The following CATSPERB variants were observed in gnomAD, a reference collection of about 807,000 sequenced individuals.
The protein encoded by CATSPERB is cation channel sperm-associated auxiliary subunit beta.
A neutral mutation model predicts 128.3 loss-of-function variants in CATSPERB; 93 were observed. The ratio of observed to expected loss-of-function variants is 0.72; its 90% CI spans 0.61 to 0.86. The LOEUF (loss-of-function observed/expected upper bound fraction) is 0.86, where lower values mean the gene tolerates loss of function less well. Among genes scored for constraint, CATSPERB ranks in the 40% least tolerant of loss-of-function variants. The pLI is 0.00. For synonymous variants in CATSPERB, 381 were observed against 448.8 expected, an observed-to-expected ratio of 0.85 and a Z score of 1.91; for missense variants, 1,153 against 1,329.5, an observed-to-expected ratio of 0.87 and a Z score of 2.06.
intron 21 of CATSPERB, among the ~76,000 whole-genome samples, chr14:91,609,453 A>G (rs1034951104): frequency 5.9e-5 from 9 of 152,238 alleles, no homozygotes; most frequent in African/African-American, 1.9e-4. Context: ...AAGTAGCACC[A>G]GAAGGCGGCT....
At position 91,639,404 on chromosome 14, in the gene CATSPERB, T is replaced by G. The variant is rs538496672; in HGVS notation, c.1433-154A>C. On this transcript the variant is annotated intron_variant, in intron 15 of 26. Transcript: ENST00000256343. ...TAGGAAAATGCATGTTAGTTTTTGT[T>G]AAGTCCCTGGAAAGCCTTTTCCAGA... Among the ~76,000 whole-genome samples the G allele has an allele frequency of 7.2e-5, 11 of 152,290 alleles. No individual in the cohort carries two copies. In the South Asian group the frequency reaches 2.1e-3, roughly 29 times the overall value.
At chr14:91,668,226 C>A (rs1230328144) in intron 14 of CATSPERB, among the ~76,000 whole-genome samples, 1 of 140,428 alleles carries the variant, frequency 7.1e-6, no homozygotes, top group Non-Finnish European at 1.6e-5. Flanking sequence ...ACTTGGAGAA[C>A]TTTTCTGTCT....
At chr14:91,613,959 T>G (rs1893886365) in intron 20 of CATSPERB, among the ~76,000 whole-genome samples, 1 of 152,228 alleles carries the variant, frequency 6.6e-6, no homozygotes. Flanking sequence ...CCTTCATGAA[T>G]AATCATGTAA....
At chr14:91,695,442 G>C (rs111373578) in intron 7 of CATSPERB, among the ~76,000 whole-genome samples, 5 of 152,078 alleles carry the variant, frequency 3.3e-5, no homozygotes, top group Non-Finnish European at 7.4e-5. Context: ...CGGTGGGATA[G>C]TTTAAGTGGG....
rs775379438 is a variant in CATSPERB at position 91,723,161 on chromosome 14, T to C, written c.197A>G (p.Asn66Ser). ...TAGCATTGCTTTTGATGCAATTTCA[T>C]TTTCAGTTTGGAAGAAACACTGGAT... ...LKIQCFFQTE[N>S]EIASKAMLSV... The change falls in exon 4 of 27, where the codon AAT becomes AGT. Residue 66 changes from asparagine (N) to serine (S), a missense_variant. Physicochemically the swap from Asn to Ser is conservative, Grantham distance 46. Transcript: ENST00000256343. 6.6e-7 allele frequency: 1 copy of C among 1,504,518 alleles called. No homozygotes were observed. The highest frequency in any genetic ancestry group is 8.9e-7 in the Non-Finnish European group (1 of 1,127,684). The allele number at this position is 1,504,518 out of a possible 1,614,324, so 93.2% of individuals were successfully genotyped here.
intron 5 of CATSPERB, among the ~76,000 whole-genome samples, 183 bp downstream of exon 5, chr14:91,719,235 G>A (rs1048488683): frequency 1.3e-5 from 2 of 152,096 alleles, no homozygotes; most frequent in Admixed American, 6.5e-5. Flanking sequence ...GTAAAATACA[G>A]TATCCCAGTT....
At chr14:91,729,572 A>T (rs1168516418) in intron 1 of CATSPERB, 93 bp from the exon 2 acceptor site, 1 of 600,086 alleles carries the variant, frequency 1.7e-6, no homozygotes, top group Non-Finnish European at 2.9e-6. Context: ...GTAAAGAAAT[A>T]ATCTCAATAT....
chr14:91,598,737 A>C (rs1253442466), intron 22 of CATSPERB, among the ~76,000 whole-genome samples: 2 of 151,638 alleles, frequency 1.3e-5, no homozygotes, highest in African/African-American at 4.8e-5. Flanking sequence ...AGGCGCTTGT[A>C]GTCCCAGCTA....
intron 14 of CATSPERB, among the ~76,000 whole-genome samples, chr14:91,666,569 C>A (rs2139826506): frequency 6.6e-6 from 1 of 152,342 alleles, no homozygotes; most frequent in East Asian, 1.9e-4. Flanking sequence ...CAACCAGTGG[C>A]ATACCTAAGT....
chr14:91,603,586 G>C (rs1893645999), intron 22 of CATSPERB, among the ~76,000 whole-genome samples: 1 of 152,184 alleles, frequency 6.6e-6, no homozygotes, highest in East Asian at 1.9e-4. Flanking sequence ...ACTGCCCTCA[G>C]AAGAGAGGTT....
chr14:91,708,197 A>G lies in CATSPERB; in HGVS notation c.410T>C (p.Leu137Ser). The stretch of plus-strand genomic sequence containing the variant: ...AGCATAAATATTTAGTCCATGATGT[A>G]AAGTGATTCTTACTAACCATTCTTC... ...AVEEWLVRIT[L>S]HHGLNIYATE... The change falls in exon 6 of 27, where the codon TTA becomes TCA. Residue 137 changes from leucine to serine, a missense_variant. Coordinates refer to ENST00000256343, the MANE Select transcript of CATSPERB (RefSeq NM_024764.4). 1 of 1,611,412 alleles carries G rather than the reference A, an allele frequency of 6.2e-7. No homozygotes were observed. The highest frequency in any genetic ancestry group is 8.5e-7 in the Non-Finnish European group (1 of 1,178,524).
At chr14:91,626,638 C>T (rs1018383013) in intron 17 of CATSPERB, among the ~76,000 whole-genome samples, 1 of 152,150 alleles carries the variant, frequency 6.6e-6, no homozygotes, top group Non-Finnish European at 1.5e-5. Context: ...TGCGTGCTCA[C>T]ATGTGCTCAC....
intron 12 of CATSPERB, among the ~76,000 whole-genome samples, 159 bp from the exon 13 acceptor site, chr14:91,673,175 T>G (rs1470524424): frequency 6.6e-6 from 1 of 152,136 alleles, no homozygotes; most frequent in Non-Finnish European, 1.5e-5. Flanking sequence ...CCCACTGGTC[T>G]TTAAACTCCC....
chr14:91,681,032 A>G (rs1023068389), intron 11 of CATSPERB, among the ~76,000 whole-genome samples: 4 of 152,198 alleles, frequency 2.6e-5, no homozygotes, highest in African/African-American at 9.7e-5. Flanking sequence ...CATGCCAGAA[A>G]ACGATTAAGT....
chr14:91,640,243 TATTTTTTTA>T (rs145280210), intron 15 of CATSPERB, among the ~76,000 whole-genome samples: 27,214 of 150,940 alleles, frequency 0.18, 2,600 homozygotes, highest in South Asian at 0.23. Flanking sequence ...TCATTCTTTT[TATTTTTTTA>T]TTTTTTTTTT....
chr14:91,633,920 T>A (rs957082133), intron 17 of CATSPERB, among the ~76,000 whole-genome samples: 1 of 151,674 alleles, frequency 6.6e-6, no homozygotes, highest in African/African-American at 2.4e-5. Context: ...GTATTGGAGG[T>A]CCTAGACACT....
At chr14:91,672,022 A>AAAC (rs35442642) in intron 13 of CATSPERB, among the ~76,000 whole-genome samples, 71,017 of 149,898 alleles carry the variant, frequency 0.47, 17,100 homozygotes, top group South Asian at 0.62. Context: ...TCTGTCTCAA[A>AAAC]AACAACAACA....
At chr14:91,705,555 G>A (rs1023667191) in intron 6 of CATSPERB, among the ~76,000 whole-genome samples, 1 of 152,226 alleles carries the variant, frequency 6.6e-6, no homozygotes, top group African/African-American at 2.4e-5. Flanking sequence ...TCCAGAATCT[G>A]ACGTCCTCTT....
intron 10 of CATSPERB, among the ~76,000 whole-genome samples, chr14:91,686,050 C>T (rs1349838162): frequency 6.6e-6 from 1 of 152,142 alleles, no homozygotes; most frequent in African/African-American, 2.4e-5. Context: ...AATGCTGTGT[C>T]AAAATAATTA....
Sources: allele counts gnomAD v4.1 joint callset (sites outside exome capture counted in the v4.1 genomes callset), GRCh38; gene constraint gnomAD v4.1.1; transcripts MANE v1.5; gene names NCBI Gene and HGNC (gene_info 2026-07-23, HGNC 2026-07-21).